The following PREX1 variants were observed in gnomAD, a reference collection of about 807,000 sequenced individuals.
PREX1 encodes the protein phosphatidylinositol 3,4,5-trisphosphate-dependent Rac exchanger 1 protein.
PREX1 carries 41 observed loss-of-function variants against 198.3 expected under a neutral mutation model. The observed-to-expected ratio is 0.21, with a 90% CI of 0.16 to 0.27. The LOEUF is 0.27. Ranked by LOEUF, PREX1 falls within the 10% of genes least tolerant of loss-of-function variation. PREX1 has a pLI of 1.00. For synonymous variants in PREX1, 843 were observed against 887.2 expected, an observed-to-expected ratio of 0.95 and a Z score of 0.89; for missense variants, 1,620 against 2,200.7, an observed-to-expected ratio of 0.74 and a Z score of 5.28.
At chr20:48,647,754 A>G (rs2089462268) in intron 25 of PREX1, among the ~76,000 whole-genome samples, 1 of 152,130 alleles carries the variant, frequency 6.6e-6, no homozygotes, top group Non-Finnish European at 1.5e-5. Flanking sequence ...TAGAGTCTAC[A>G]TTCTTTTTTT....
intron 25 of PREX1, among the ~76,000 whole-genome samples, chr20:48,647,496 G>A (rs1283778748): frequency 6.7e-6 from 1 of 148,332 alleles, no homozygotes; most frequent in Non-Finnish European, 1.5e-5. Context: ...ATTGCAGCCT[G>A]GTGACACAGT....
At position 48,708,257 on chromosome 20, in the gene PREX1, C is replaced by T. The variant is rs960824633; in HGVS notation, c.783+3G>A. 1 of 1,613,772 alleles carries T rather than the reference C, an allele frequency of 6.2e-7. No individual in the cohort carries two copies. The highest frequency in any genetic ancestry group is 8.5e-7 in the Non-Finnish European group (1 of 1,179,964). On this transcript the variant is annotated splice_donor_region_variant and intron_variant, in intron 6 of 39. Coordinates refer to ENST00000371941, the MANE Select transcript of PREX1 (RefSeq NM_020820.4). ...AGGAAGCCCCCTCCTGTCCTGTACA[C>T]ACCTCCCAGCCTTCGATGTGGGACT...
chr20:48,630,826 C>A (rs772462555), intron 35 of PREX1, 32 bp from the exon 36 acceptor site: 3 of 1,472,186 alleles, frequency 2.0e-6, no homozygotes, highest in Non-Finnish European at 2.8e-6. Context: ...GAGGCGGGGG[C>A]CACCACACCC....
chr20:48,654,448 C>G (rs911157279), intron 19 of PREX1, among the ~76,000 whole-genome samples: 4 of 152,182 alleles, frequency 2.6e-5, no homozygotes, highest in African/African-American at 4.8e-5. Flanking sequence ...TGGGGCTGTC[C>G]TGTGCACTGC....
At chr20:48,886,732 T>C in the PREX1 span, among the ~76,000 whole-genome samples, 1 of 152,228 alleles carries the variant, frequency 6.6e-6, no homozygotes, top group Admixed American at 6.5e-5. Context: ...AAACATAAAT[T>C]CATTTAACTT....
At chr20:48,683,677 A>G (rs1348281434) in intron 10 of PREX1, among the ~76,000 whole-genome samples, 1 of 152,178 alleles carries the variant, frequency 6.6e-6, no homozygotes, top group Non-Finnish European at 1.5e-5. Context: ...ATGGCCCATT[A>G]TGTTAGAAGA....
At chr20:48,793,067 T>C (rs983048545) in intron 1 of PREX1, among the ~76,000 whole-genome samples, 48 of 151,942 alleles carry the variant, frequency 3.2e-4, no homozygotes, top group Admixed American at 3.0e-3. Flanking sequence ...TAGCCTGACA[T>C]GGTGGTATGC....
In PREX1 at chr20:48,632,400, G is replaced by C; in HGVS notation, c.4412-9C>G. 3 of 1,613,590 alleles carry C rather than the reference G, an allele frequency of 1.9e-6. No homozygotes were observed. Among genetic ancestry groups the C allele is most frequent in the South Asian group, 2.2e-5 (2 of 91,066 alleles). ...CTCCACGTTCTCCAGCACTGGGAGG[G>C]GAGATGTCGGGGGCGGGCAGGCGGT... On this transcript the variant is annotated splice_polypyrimidine_tract_variant and intron_variant, in intron 34 of 39. Transcript: ENST00000371941.
intron 1 of PREX1, among the ~76,000 whole-genome samples, chr20:48,793,590 A>T (rs2090347869): frequency 6.6e-6 from 1 of 152,166 alleles, no homozygotes; most frequent in African/African-American, 2.4e-5. Flanking sequence ...TTAGGGGGAG[A>T]GGGTTACGTG....
In PREX1 at chr20:48,827,801, C is replaced by G. The variant is rs1171152742; in HGVS notation, c.60G>C (p.Pro20=). 1 of 1,059,274 alleles carries G rather than the reference C, an allele frequency of 9.4e-7. No individual in the cohort carries two copies. Among genetic ancestry groups the G allele is most frequent in the Non-Finnish European group, 1.1e-6 (1 of 869,570 alleles). The allele number at this position is 1,059,274 out of a possible 1,614,324, so 65.6% of individuals were successfully genotyped here. ...CCGCGGCGCCAGGGGCCCGGGGGTC[C>G]GGGTGGGCGCAGTCCCCGGCCCCGT... ...GGDGAGDCAH[P]DPRAPGAAAP... The change falls in exon 1 of 40, where the codon CCG becomes CCC. Residue 20 remains proline (P), a synonymous_variant. Transcript: ENST00000371941. The surrounding 1 kb of genome is among the most constrained non-coding windows in gnomAD (Gnocchi z 4.1).
chr20:48,747,454 C>T (rs6063319), intron 2 of PREX1, among the ~76,000 whole-genome samples: 1 of 152,056 alleles, frequency 6.6e-6, no homozygotes, highest in Non-Finnish European at 1.5e-5. Context: ...TGGAGGTGCC[C>T]GGCTCCCGGG....
chr20:48,661,444 A>AAAATATATAT (rs1555832820), intron 15 of PREX1, among the ~76,000 whole-genome samples: 1 of 49,596 alleles, frequency 2.0e-5, no homozygotes, highest in Non-Finnish European at 3.1e-5. Flanking sequence ...AAAAAAAAAA[A>AAAATATATAT]ATATATATAT....
intron 1 of PREX1, among the ~76,000 whole-genome samples, chr20:48,790,925 TCCCCATCAGC>T (rs2090336047): frequency 6.6e-6 from 1 of 151,942 alleles, no homozygotes; most frequent in Admixed American, 6.6e-5. Context: ...ACCCACCCTG[TCCCCATCAGC>T]TCCCACCCTC....
At position 48,747,826 on chromosome 20, in the gene PREX1, T is replaced by A. The variant is rs1348013932; in HGVS notation, c.274A>T (p.Thr92Ser). The change falls in exon 2 of 40, where the codon ACG (threonine) becomes TCG (serine). Residue 92 changes from threonine to serine, a missense_variant. This residue lies in a region of PREX1 where 488 missense variants were observed against 802.5 expected (regional missense o/e 0.61). Coordinates refer to ENST00000371941, the MANE Select transcript of PREX1 (RefSeq NM_020820.4). ...GTCCACACCTTGACATTCTCCTCCG[T>A]GAGGCCCTTCTCCACTGAGTCGGCC... ...NVADSVEKGL[T>S]EENVKVLFSN... The A allele has an allele frequency of 1.2e-6, 2 of 1,613,294 alleles. No individual in the cohort carries two copies. The highest frequency in any genetic ancestry group is 1.7e-6 in the Non-Finnish European group (2 of 1,179,714).
intron 5 of PREX1, among the ~76,000 whole-genome samples, chr20:48,714,393 T>C (rs1013974374): frequency 1.3e-5 from 2 of 152,214 alleles, no homozygotes; most frequent in Admixed American, 6.5e-5. Context: ...ACCCAGAATA[T>C]GTAAAGAACC....
chr20:48,661,444 A>ATATAT (rs1252023480), intron 15 of PREX1, among the ~76,000 whole-genome samples: 7 of 49,596 alleles, frequency 1.4e-4, no homozygotes, highest in Non-Finnish European at 2.2e-4. Flanking sequence ...AAAAAAAAAA[A>ATATAT]ATATATATAT....
intron 5 of PREX1, among the ~76,000 whole-genome samples, chr20:48,709,214 G>A (rs1053865772): frequency 1.3e-5 from 2 of 152,062 alleles, no homozygotes; most frequent in East Asian, 1.9e-4. Flanking sequence ...TCACCCAACC[G>A]CCCCCGTCAG....
chr20:48,870,762 A>T, the PREX1 span, among the ~76,000 whole-genome samples: 1 of 150,260 alleles, frequency 6.7e-6, no homozygotes, highest in South Asian at 2.1e-4. Flanking sequence ...TACCTGGGTA[A>T]CATGGCAAAA....
chr20:48,808,354 T>C (rs2090421229), intron 1 of PREX1, among the ~76,000 whole-genome samples: 1 of 152,118 alleles, frequency 6.6e-6, no homozygotes, highest in Non-Finnish European at 1.5e-5. Flanking sequence ...CGAGGTCACA[T>C]CATTAACACC....
Sources: allele counts gnomAD v4.1 joint callset (sites outside exome capture counted in the v4.1 genomes callset), GRCh38; gene constraint gnomAD v4.1.1; regional missense constraint gnomAD v4.1.1; non-coding constraint Gnocchi (gnomAD v3.1); transcripts MANE v1.5; gene names NCBI Gene and HGNC (gene_info 2026-07-23, HGNC 2026-07-21).